LOC128462377: variants seen among roughly 807,000 people sequenced by gnomAD.
the LOC128462377 span, among the ~76,000 whole-genome samples, chr16:89,361,855 C>T: frequency 0.032 from 4,916 of 152,182 alleles, 286 homozygotes; most frequent in African/African-American, 0.11. Context: ...AAAAAAAATC[C>T]GCACTCTAGA....
At chr16:89,335,573 C>T in the LOC128462377 span, among the ~76,000 whole-genome samples, 2 of 152,238 alleles carry the variant, frequency 1.3e-5, no homozygotes, top group Non-Finnish European at 2.9e-5. Flanking sequence ...TGTAGCAGAA[C>T]AGCGAGTGAC....
At chr16:89,322,491 C>A in the LOC128462377 span, among the ~76,000 whole-genome samples, 1 of 152,222 alleles carries the variant, frequency 6.6e-6, no homozygotes, top group Non-Finnish European at 1.5e-5. Context: ...CACGCAGGCA[C>A]GTGGCCTCAG....
At chr16:89,382,222 A>G in the LOC128462377 span, among the ~76,000 whole-genome samples, 3 of 152,144 alleles carry the variant, frequency 2.0e-5, no homozygotes, top group Non-Finnish European at 4.4e-5. Flanking sequence ...GCCACTGACC[A>G]GGGCAGGAGT....
chr16:89,346,135 G>A, the LOC128462377 span, among the ~76,000 whole-genome samples: 1 of 151,362 alleles, frequency 6.6e-6, no homozygotes, highest in African/African-American at 2.4e-5. Context: ...TGTAATCCCA[G>A]CTACTCGGGA....
At chr16:89,324,177 C>CG in the LOC128462377 span, 5 of 1,145,862 alleles carry the variant, frequency 4.4e-6, no homozygotes, top group Non-Finnish European at 5.5e-6. Context: ...GTTATCACGG[C>CG]GGGGGGTGGC....
the LOC128462377 span, among the ~76,000 whole-genome samples, chr16:89,381,331 CAAAAAAA>C: frequency 2.6e-4 from 20 of 76,348 alleles, no homozygotes; most frequent in Non-Finnish European, 3.5e-4. Flanking sequence ...GACTCTGCTG[CAAAAAAA>C]AAAAAAAAAA....
chr16:89,355,316 C>T, the LOC128462377 span, among the ~76,000 whole-genome samples: 1 of 152,156 alleles, frequency 6.6e-6, no homozygotes, highest in Non-Finnish European at 1.5e-5. Flanking sequence ...ACGGCTCACA[C>T]AGACCCACAA....
chr16:89,352,727 C>A, the LOC128462377 span, among the ~76,000 whole-genome samples: 1 of 152,196 alleles, frequency 6.6e-6, no homozygotes, highest in Admixed American at 6.5e-5. Flanking sequence ...CTGGGTGAGT[C>A]CCGCTTGCCT....
the LOC128462377 span, among the ~76,000 whole-genome samples, chr16:89,371,152 CG>C: frequency 6.6e-6 from 1 of 151,840 alleles, no homozygotes; most frequent in African/African-American, 2.4e-5. Context: ...TCAGGGTGCA[CG>C]TAAGTGGCTG....
chr16:89,409,207 G>A, the LOC128462377 span, among the ~76,000 whole-genome samples: 1 of 152,184 alleles, frequency 6.6e-6, no homozygotes, highest in Non-Finnish European at 1.5e-5. Context: ...CACACCTGAT[G>A]ACAGCTTCCC....
the LOC128462377 span, among the ~76,000 whole-genome samples, chr16:89,379,015 G>A: frequency 2.0e-5 from 3 of 152,204 alleles, no homozygotes; most frequent in South Asian, 2.1e-4. Flanking sequence ...TCCTGCAGTC[G>A]TAGACAAGCC....
the LOC128462377 span, among the ~76,000 whole-genome samples, chr16:89,398,534 C>T: frequency 1.3e-5 from 2 of 152,246 alleles, no homozygotes; most frequent in South Asian, 2.1e-4. Context: ...CTGGGCAACA[C>T]AGGGAGACCC....
the LOC128462377 span, among the ~76,000 whole-genome samples, chr16:89,405,191 C>G: frequency 2.6e-5 from 4 of 152,072 alleles, no homozygotes; most frequent in Admixed American, 2.0e-4. Context: ...AAGACTCCAT[C>G]TCAAAAAAAT....
the LOC128462377 span, among the ~76,000 whole-genome samples, chr16:89,356,601 C>G: frequency 0.012 from 1,711 of 147,856 alleles, 30 homozygotes; most frequent in African/African-American, 0.041. Context: ...AAAACCCCAT[C>G]TCTACTAAAA....
the LOC128462377 span, among the ~76,000 whole-genome samples, chr16:89,331,953 C>T: frequency 6.6e-6 from 1 of 152,112 alleles, no homozygotes; most frequent in Non-Finnish European, 1.5e-5. Flanking sequence ...GTGTTCACCA[C>T]ACTCTCTCTT....
At chr16:89,361,075 C>T in the LOC128462377 span, among the ~76,000 whole-genome samples, 7 of 152,326 alleles carry the variant, frequency 4.6e-5, no homozygotes, top group African/African-American at 1.7e-4. Context: ...GCCCCTGCTG[C>T]AATGGCACCT....
the LOC128462377 span, among the ~76,000 whole-genome samples, chr16:89,389,758 C>A: frequency 3.4e-5 from 5 of 148,300 alleles, no homozygotes; most frequent in African/African-American, 1.3e-4. Context: ...GCGGGGAGCA[C>A]CGAGAGAGAA....
chr16:89,324,481 T>C, the LOC128462377 span: 3 of 456,634 alleles, frequency 6.6e-6, no homozygotes, highest in Admixed American at 2.3e-5. Flanking sequence ...GACTAAAGGA[T>C]GTGTAACTGT....
chr16:89,407,839 T>C, the LOC128462377 span, among the ~76,000 whole-genome samples: 14 of 124,784 alleles, frequency 1.1e-4, no homozygotes, highest in Admixed American at 1.4e-3. Context: ...GAGAGTCAGA[T>C]CCTGTCTCCC....
Sources: allele counts gnomAD v4.1 joint callset (sites outside exome capture counted in the v4.1 genomes callset), GRCh38; gene constraint gnomAD v4.1.1; transcripts MANE v1.5.